The following PAK5 variants were observed in gnomAD, a reference collection of about 807,000 sequenced individuals.
PAK5 encodes p21 (RAC1) activated kinase 5, also known as serine/threonine-protein kinase PAK 5.
In PAK5, 16 loss-of-function variants were observed where a neutral mutation model predicts 65.9. That is an observed-to-expected ratio of 0.24 (90% CI 0.16 to 0.37). PAK5 has a LOEUF of 0.37. PAK5 is among the 10% of genes least tolerant of loss of function. The pLI is 1.00. For synonymous variants in PAK5, 371 were observed against 354.9 expected, an observed-to-expected ratio of 1.05 and a Z score of -0.51; for missense variants, 785 against 903.9, an observed-to-expected ratio of 0.87 and a Z score of 1.69.
At chr20:9,789,159 T>C (rs538961277) in intron 1 of PAK5, among the ~76,000 whole-genome samples, 6 of 152,314 alleles carry the variant, frequency 3.9e-5, no homozygotes, top group African/African-American at 1.4e-4. Context: ...CCTTGGTGAC[T>C]CAAGTACATC....
At chr20:9,542,870 G>T in intron 8 of PAK5, 150 bp from the exon 9 acceptor site, 1 of 710,074 alleles carries the variant, frequency 1.4e-6, no homozygotes, top group Non-Finnish European at 2.3e-6. Flanking sequence ...TAAACTGCTG[G>T]GTTACCGAGT....
At chr20:9,694,100 C>T (rs2047835111) in intron 2 of PAK5, among the ~76,000 whole-genome samples, 1 of 151,762 alleles carries the variant, frequency 6.6e-6, no homozygotes, top group African/African-American at 2.4e-5. Flanking sequence ...TAACTTTGCA[C>T]TATAATTCTA....
chr20:9,798,751 C>T (rs1416115980), intron 1 of PAK5, among the ~76,000 whole-genome samples: 5 of 152,228 alleles, frequency 3.3e-5, no homozygotes, highest in African/African-American at 9.6e-5. Flanking sequence ...GTGACTCTTG[C>T]AAGCAACAAT....
chr20:9,732,743 C>T (rs2048347691), intron 1 of PAK5, among the ~76,000 whole-genome samples: 1 of 152,180 alleles, frequency 6.6e-6, no homozygotes, highest in Non-Finnish European at 1.5e-5. Flanking sequence ...TCCTGTTTTG[C>T]TCTTTCTCTC....
At chr20:9,757,143 T>C (rs1313228930) in intron 1 of PAK5, among the ~76,000 whole-genome samples, 2 of 152,318 alleles carry the variant, frequency 1.3e-5, no homozygotes, top group East Asian at 3.9e-4. Flanking sequence ...AGGTATTGCC[T>C]GGGGTTACTT....
At chr20:9,640,616 G>A (rs1042697128) in intron 3 of PAK5, among the ~76,000 whole-genome samples, 2 of 152,158 alleles carry the variant, frequency 1.3e-5, no homozygotes, top group Admixed American at 6.5e-5. Context: ...GAATGAAGCC[G>A]CGGACCCTCG....
chr20:9,771,895 A>C (rs114398864), intron 1 of PAK5, among the ~76,000 whole-genome samples: 38 of 152,014 alleles, frequency 2.5e-4, no homozygotes, highest in Non-Finnish European at 2.9e-5. Context: ...AAAATTAGCC[A>C]GGTGTGCTGG....
chr20:9,698,856 T>C (rs1212044532), intron 2 of PAK5, among the ~76,000 whole-genome samples: 1 of 152,230 alleles, frequency 6.6e-6, no homozygotes, highest in African/African-American at 2.4e-5. Context: ...ATGAAGCTTA[T>C]TGTAATGAGA....
chr20:9,824,537 T>A (rs1184490597), intron 1 of PAK5, among the ~76,000 whole-genome samples: 1 of 152,182 alleles, frequency 6.6e-6, no homozygotes, highest in Admixed American at 6.5e-5. Context: ...TTGAGGGTCT[T>A]TGCAGGAGAC....
Position 9,751,946 on chromosome 20 carries a change from C to T in PAK5, c.-161-40511G>A, listed in dbSNP as rs147235843. ...ATGTGCAATGATGTGCATAATCAGACGCTGTGTTTTTCTTTTTTGTAAATG... is the reference window on the plus strand; with the variant it reads ...ATGTGCAATGATGTGCATAATCAGATGCTGTGTTTTTCTTTTTTGTAAATG... On this transcript the variant is annotated intron_variant, in intron 1 of 9. Coordinates refer to ENST00000353224, the MANE Select transcript of PAK5 (RefSeq NM_177990.4). Among the ~76,000 whole-genome samples, 329 of 152,258 alleles carry T rather than the reference C, an allele frequency of 2.2e-3. 2 individuals are homozygous for T. The highest frequency in any genetic ancestry group is 7.2e-3 in the African/African-American group (299 of 41,576).
chr20:9,612,834 C>T (rs1037721254), intron 3 of PAK5, among the ~76,000 whole-genome samples: 3 of 152,128 alleles, frequency 2.0e-5, no homozygotes, highest in Admixed American at 2.0e-4. Flanking sequence ...ACTTTTTCCC[C>T]TTTTCTCTAG....
Position 9,539,468 on chromosome 20 carries a change from A to G in PAK5, c.2154T>C (p.His718=). ...CIVPLMRQYR[H]H ...ACCTACACGAATCCTCTGCTCAGTGATGCCTGTATTGTCTCATGAGGGGGA... is the reference window on the plus strand; with the variant it reads ...ACCTACACGAATCCTCTGCTCAGTGGTGCCTGTATTGTCTCATGAGGGGGA... Residue 718 remains histidine (H), a synonymous_variant, in exon 10 of 10, where the codon CAT becomes CAC. Transcript: ENST00000353224. The G allele has an allele frequency of 1.9e-6, 3 of 1,613,908 alleles. No individual in the cohort carries two copies. Among genetic ancestry groups the G allele is most frequent in the Non-Finnish European group, 2.5e-6 (3 of 1,179,892 alleles).
Position 9,650,663 on chromosome 20 carries a change from C to T in PAK5, c.-11-6324G>A, listed in dbSNP as rs1600197372. Among the ~76,000 whole-genome samples the T allele has an allele frequency of 2.0e-5, 3 of 152,194 alleles. No individual in the cohort carries two copies. In the South Asian group the frequency reaches 6.2e-4, roughly 32 times the overall value. On this transcript the variant is annotated intron_variant, in intron 2 of 9. Transcript: ENST00000353224. Reference sequence around the variant, plus strand: ...TATTCCTACATTTTTTATTGGTTCTCAGAACCTTGCTTATATGTGCTAGGT... The same window carrying T: ...TATTCCTACATTTTTTATTGGTTCTTAGAACCTTGCTTATATGTGCTAGGT...
chr20:9,764,742 C>T (rs1166092208), intron 1 of PAK5, among the ~76,000 whole-genome samples: 1 of 152,152 alleles, frequency 6.6e-6, no homozygotes, highest in Non-Finnish European at 1.5e-5. Context: ...TGAGATAATG[C>T]ATTACTGGTG....
At chr20:9,734,883 A>G (rs923703588) in intron 1 of PAK5, among the ~76,000 whole-genome samples, 1 of 152,208 alleles carries the variant, frequency 6.6e-6, no homozygotes, top group African/African-American at 2.4e-5. Flanking sequence ...GAGCCCCAGA[A>G]CAACAAAAGG....
chr20:9,769,953 C>A (rs1262253382), intron 1 of PAK5, among the ~76,000 whole-genome samples: 4 of 152,278 alleles, frequency 2.6e-5, no homozygotes, highest in East Asian at 1.9e-4. Flanking sequence ...TGTTATCCTG[C>A]AGAAATGTGA....
intron 8 of PAK5, 94 bp downstream of exon 8, chr20:9,544,275 G>T: frequency 7.6e-7 from 1 of 1,313,932 alleles, no homozygotes; most frequent in Non-Finnish European, 1.1e-6. Flanking sequence ...AAAAGTCATT[G>T]CCCCCATCTC....
chr20:9,762,850 A>G (rs2048715145), intron 1 of PAK5, among the ~76,000 whole-genome samples: 2 of 152,182 alleles, frequency 1.3e-5, no homozygotes, highest in African/African-American at 4.8e-5. Flanking sequence ...AATAGCCAAG[A>G]AACGGAAACA....
intron 4 of PAK5, among the ~76,000 whole-genome samples, chr20:9,578,737 G>A (rs756748598): frequency 3.3e-5 from 5 of 152,090 alleles, no homozygotes; most frequent in East Asian, 1.9e-4. Flanking sequence ...TGAGACATGC[G>A]TATGAGTTCA....
Sources: gnomAD v4.1 joint callset for allele counts (sites outside exome capture counted in the v4.1 genomes callset) on GRCh38, gnomAD v4.1.1 for gene constraint, MANE v1.5 for transcripts, NCBI Gene and HGNC (gene_info 2026-07-23, HGNC 2026-07-21) for gene names.